Variants in SENP1 observed in about 807,000 individuals in gnomAD.
SENP1 encodes sentrin-specific protease 1.
A neutral mutation model predicts 93.0 loss-of-function variants in SENP1; 21 were observed. The ratio of observed to expected loss-of-function variants is 0.23; its 90% CI spans 0.16 to 0.33. The LOEUF (loss-of-function observed/expected upper bound fraction) is 0.33. Among genes scored for constraint, SENP1 ranks in the 10% least tolerant of loss-of-function variants. The probability of loss-of-function intolerance (pLI) is 1.00; values close to 1 mark genes in which losing one functional copy is unlikely to be tolerated. For synonymous variants in SENP1, 256 were observed against 259.6 expected (o/e 0.99, Z 0.13); for missense variants, 591 against 758.7 (o/e 0.78, Z 2.60).
At chr12:48,068,744 A>G (rs574120286) in intron 9 of SENP1, among the ~76,000 whole-genome samples, 2 of 152,334 alleles carry the variant, frequency 1.3e-5, no homozygotes, top group South Asian at 4.1e-4. Flanking sequence ...GGTGACAGAT[A>G]CAAAAGTATT....
chr12:48,073,282 CTTTT>C (rs142428007), intron 8 of SENP1, among the ~76,000 whole-genome samples: 1 of 146,840 alleles, frequency 6.8e-6, no homozygotes, highest in South Asian at 2.1e-4. Context: ...GGTTTTTTGG[CTTTT>C]TTTTTTCCTT....
intron 13 of SENP1, among the ~76,000 whole-genome samples, chr12:48,057,941 CTTT>C (rs370210767): frequency 0.18 from 15,611 of 84,986 alleles, 734 homozygotes; most frequent in East Asian, 0.32. Context: ...TTTATTTCCT[CTTT>C]TTTTTTTTTT....
In SENP1 at chr12:48,083,743, C is replaced by T; in HGVS notation, c.400G>A (p.Ala134Thr). ...KTSSGLSNSF[A>T]GKSNHHCHVS... The stretch of plus-strand genomic sequence containing the variant: ...TGGCAGTGATGGTTTGACTTTCCCG[C>T]AAAACTGTTTGATAATCCACTAAAA... The change falls in exon 6 of 18, where the codon GCG becomes ACG. Residue 134 changes from alanine to threonine, a missense_variant. Physicochemically the swap from Ala to Thr is moderately conservative, Grantham distance 58 (BLOSUM62 0). Around this residue, in one of 4 missense-constraint regions of SENP1, gnomAD observed 214 missense variants for 243.4 expected, o/e 0.88. Coordinates refer to ENST00000549518, the MANE Select transcript of SENP1 (RefSeq NM_001267594.2). The T allele has an allele frequency of 6.2e-7, 1 of 1,606,966 alleles. No individual in the cohort carries two copies. The highest frequency in any genetic ancestry group is 1.7e-5 in the Admixed American group (1 of 58,370).
intron 11 of SENP1, 108 bp from the exon 12 acceptor site, chr12:48,065,328 T>C (rs192874712): frequency 7.7e-6 from 7 of 913,992 alleles, no homozygotes; most frequent in Non-Finnish European, 1.1e-5. Flanking sequence ...AAGAGCGTGC[T>C]TAAATGCCCA....
chr12:48,081,370 T>C (rs377094832), intron 6 of SENP1: 7 of 152,090 alleles, frequency 4.6e-5, no homozygotes, highest in African/African-American at 1.4e-4. Context: ...TAGAGAAGAT[T>C]AGCATGGCCC....
Position 48,063,809 on chromosome 12 carries a change from A to G in SENP1, c.1308T>C (p.Arg436=), listed in dbSNP as rs181751271. ...EMEKEIKNVF[R]NGNQDEVLSE... is the part of the protein sequence containing the mutation. ...TGAGAACTTCATCCTGATTCCCATT[A>G]CGAAATACATTCTTTATTTCTTTCT... The change falls in exon 13 of 18, where the codon CGT becomes CGC. Residue 436 remains arginine (R), a synonymous_variant. Transcript: ENST00000549518. 1.4e-4 allele frequency: 224 copies of G among 1,612,782 alleles called. 2 individuals carry two copies. In the Admixed American group the frequency reaches 3.7e-3, roughly 27 times the overall value.
chr12:48,072,601 G>C (rs568554832), intron 8 of SENP1, among the ~76,000 whole-genome samples: 4 of 152,208 alleles, frequency 2.6e-5, no homozygotes, highest in Admixed American at 2.0e-4. Flanking sequence ...CTGAGCAACA[G>C]AGTGACACTC....
At chr12:48,089,348 T>A in intron 4 of SENP1, 1 of 1,319,590 alleles carries the variant, frequency 7.6e-7, no homozygotes, top group South Asian at 1.2e-5. Context: ...CAGTGAGAAT[T>A]GTAATTCAAA....
chr12:48,074,943 A>C (rs578074681), intron 6 of SENP1, 150 bp from the exon 7 acceptor site: 1 of 609,630 alleles, frequency 1.6e-6, no homozygotes, highest in South Asian at 2.1e-5. Flanking sequence ...ACAGTGGCTC[A>C]TGCCTGTAAT....
At chr12:48,099,748 G>C (rs1331408085) in intron 2 of SENP1, among the ~76,000 whole-genome samples, 1 of 152,064 alleles carries the variant, frequency 6.6e-6, no homozygotes, top group Non-Finnish European at 1.5e-5. Flanking sequence ...GGCAGAGGAT[G>C]GAGTGAGCCA....
chr12:48,087,781 C>T (rs1944980788), intron 5 of SENP1, among the ~76,000 whole-genome samples: 2 of 152,198 alleles, frequency 1.3e-5, no homozygotes, highest in African/African-American at 2.4e-5. Flanking sequence ...TAAAAGCCAT[C>T]TTGTTGGCTT....
At chr12:48,070,104 A>C (rs918077920) in intron 9 of SENP1, among the ~76,000 whole-genome samples, 1 of 152,238 alleles carries the variant, frequency 6.6e-6, no homozygotes, top group Non-Finnish European at 1.5e-5. Context: ...GCAGAAGTTC[A>C]CATGTGAGTT....
chr12:48,049,672 C>T (rs1941645907), intron 13 of SENP1, among the ~76,000 whole-genome samples: 1 of 152,164 alleles, frequency 6.6e-6, no homozygotes, highest in Non-Finnish European at 1.5e-5. Flanking sequence ...GCCTTTTCAA[C>T]TTAATAACCC....
chr12:48,083,886 C>A, intron 5 of SENP1, 124 bp from the exon 6 acceptor site: 1 of 628,272 alleles, frequency 1.6e-6, no homozygotes, highest in Non-Finnish European at 2.7e-6. Context: ...AATAGGTTTC[C>A]CATTTGAGGG....
chr12:48,077,478 G>A (rs1333149454), intron 6 of SENP1, among the ~76,000 whole-genome samples: 2 of 152,014 alleles, frequency 1.3e-5, no homozygotes, highest in Non-Finnish European at 2.9e-5. Context: ...TTCTACATAT[G>A]GAAATATAAT....
chr12:48,082,013 C>T (rs1293509614), intron 6 of SENP1, among the ~76,000 whole-genome samples: 2 of 152,084 alleles, frequency 1.3e-5, no homozygotes, highest in Non-Finnish European at 2.9e-5. Context: ...CTCAGCCTCC[C>T]GAGTAGCTAG....
chr12:48,052,712 T>C (rs1021373523), intron 13 of SENP1, among the ~76,000 whole-genome samples: 1 of 152,170 alleles, frequency 6.6e-6, no homozygotes, highest in Non-Finnish European at 1.5e-5. Flanking sequence ...GCTAAACTTT[T>C]AGAGAAAGAC....
Position 48,098,076 on chromosome 12 carries a change from A to T in SENP1, c.53T>A (p.Val18Glu), listed in dbSNP as rs1311499051. 3 of 1,613,642 alleles carry T rather than the reference A, an allele frequency of 1.9e-6. No individual in the cohort carries two copies. The African/African-American group carries it at 4.0e-5, about 21-fold the overall frequency. The change falls in exon 3 of 18, where the codon GTG (valine) becomes GAG (glutamate). Residue 18 changes from valine to glutamate, a missense_variant. Physicochemically the swap from Val to Glu is moderately radical, Grantham distance 121. Coordinates refer to ENST00000549518, the MANE Select transcript of SENP1 (RefSeq NM_001267594.2). Reference sequence around the variant, plus strand: ...GGTTTTGAATACGGAGTTGTGGTTCACTAAAGTCACTTCTCCAGCATCCAT... The same window carrying T: ...GGTTTTGAATACGGAGTTGTGGTTCTCTAAAGTCACTTCTCCAGCATCCAT... ...MRMDAGEVTL[V>E]NHNSVFKTHL...
intron 3 of SENP1, among the ~76,000 whole-genome samples, chr12:48,096,746 G>A (rs1945589511): frequency 1.3e-5 from 2 of 152,074 alleles, no homozygotes; most frequent in African/African-American, 2.4e-5. Flanking sequence ...GTGAGCCACC[G>A]CGCCCGGCCA....
Sources: gnomAD v4.1 joint callset for allele counts (sites outside exome capture counted in the v4.1 genomes callset) on GRCh38, gnomAD v4.1.1 for gene constraint, gnomAD v4.1.1 regional missense constraint, MANE v1.5 for transcripts, NCBI Gene and HGNC (gene_info 2026-07-23, HGNC 2026-07-21) for gene names.